MGMT: variants seen among roughly 807,000 people sequenced by gnomAD.
The protein encoded by MGMT is methylated-DNA--protein-cysteine methyltransferase.
Under a neutral mutation model 15.9 loss-of-function variants are expected in MGMT, and 14 were observed. The observed-to-expected ratio is 0.88, with a 90% CI of 0.58 to 1.37. The LOEUF is 1.37. MGMT is among the 40% of genes most tolerant of loss of function. The pLI is 0.00. For synonymous variants in MGMT, 130 were observed against 118.2 expected (o/e 1.10, Z -0.65); for missense variants, 282 against 268.1 (o/e 1.05, Z -0.36).
At chr10:129,531,789 G>C (rs1266092258) in intron 1 of MGMT, among the ~76,000 whole-genome samples, 22 of 147,868 alleles carry the variant, frequency 1.5e-4, no homozygotes, top group Non-Finnish European at 2.3e-4. Context: ...TGGGGGTGGG[G>C]GGGGGTGGGG....
At chr10:129,575,782 T>C (rs1184375614) in intron 2 of MGMT, among the ~76,000 whole-genome samples, 2 of 151,396 alleles carry the variant, frequency 1.3e-5, no homozygotes, top group Non-Finnish European at 3.0e-5. Flanking sequence ...ATTGATAGAC[T>C]GCTAGCAAGA....
intron 2 of MGMT, among the ~76,000 whole-genome samples, chr10:129,595,465 A>G (rs1359324106): frequency 1.3e-5 from 2 of 152,162 alleles, no homozygotes; most frequent in Non-Finnish European, 2.9e-5. Context: ...CACCCATGAA[A>G]ACAAAGGTGT....
At chr10:129,728,615 C>A (rs544356437) in intron 3 of MGMT, among the ~76,000 whole-genome samples, 2 of 152,220 alleles carry the variant, frequency 1.3e-5, no homozygotes, top group East Asian at 3.9e-4. Context: ...GCCCCTCCTC[C>A]TGGCCAAGCC....
At chr10:129,502,673 C>T (rs969730879) in intron 1 of MGMT, among the ~76,000 whole-genome samples, 7 of 152,056 alleles carry the variant, frequency 4.6e-5, no homozygotes, top group East Asian at 1.9e-4. Context: ...GGGATGGGGC[C>T]GCCTCCCTTC....
chr10:129,769,665 C>T lies in MGMT; in HGVS notation c.*2668C>T, dbSNP rs77298937. ...TGGCAAAATAAGTTGCCTTTGGCCA[C>T]GCAGGAGACTGAGTTTTGTGAGGGG... On this transcript the variant is annotated 3_prime_UTR_variant, in exon 5 of 5. Coordinates refer to ENST00000651593, the MANE Select transcript of MGMT (RefSeq NM_002412.5). 7.5e-3 allele frequency among the ~76,000 whole-genome samples: 1,147 copies of T among 152,266 alleles called. 15 individuals are homozygous for T. Among genetic ancestry groups the T allele is most frequent in the African/African-American group, 0.025 (1,040 of 41,548 alleles).
At chr10:129,474,337 G>A (rs1845265760) in intron 1 of MGMT, among the ~76,000 whole-genome samples, 1 of 152,320 alleles carries the variant, frequency 6.6e-6, no homozygotes, top group South Asian at 2.1e-4. Context: ...TGGCAGGGCG[G>A]GGACAGTTCC....
intron 3 of MGMT, among the ~76,000 whole-genome samples, chr10:129,739,696 G>A (rs116848649): frequency 0.011 from 1,653 of 152,248 alleles, 23 homozygotes; most frequent in South Asian, 0.043. Flanking sequence ...CTCAGCCTGC[G>A]AGCCACCTGC....
intron 2 of MGMT, among the ~76,000 whole-genome samples, chr10:129,558,136 C>T (rs576480146): frequency 4.6e-5 from 7 of 152,080 alleles, no homozygotes; most frequent in Non-Finnish European, 7.4e-5. Context: ...TGGATGGGGT[C>T]GGGGTATTTC....
chr10:129,687,018 G>A (rs1847911809), intron 2 of MGMT, among the ~76,000 whole-genome samples: 1 of 152,164 alleles, frequency 6.6e-6, no homozygotes, highest in Non-Finnish European at 1.5e-5. Context: ...GTTCTGAGCT[G>A]CTTTGGGGTA....
intron 1 of MGMT, among the ~76,000 whole-genome samples, chr10:129,507,406 C>A (rs12249475): frequency 0.069 from 10,425 of 152,160 alleles, 1,188 homozygotes; most frequent in African/African-American, 0.24. Flanking sequence ...TGGTGCGGGC[C>A]GCCCTGTGCA....
chr10:129,492,669 C>T (rs1260171832), intron 1 of MGMT, among the ~76,000 whole-genome samples: 1 of 152,212 alleles, frequency 6.6e-6, no homozygotes, highest in Non-Finnish European at 1.5e-5. Flanking sequence ...TCCCCATCTG[C>T]ACCCAGGATC....
At chr10:129,750,821 A>G (rs146976035) in intron 3 of MGMT, among the ~76,000 whole-genome samples, 38 of 152,148 alleles carry the variant, frequency 2.5e-4, no homozygotes, top group South Asian at 2.3e-3. Context: ...TCTTTTACCA[A>G]TGCCACCCTG....
At chr10:129,738,356 G>T (rs1848590326) in intron 3 of MGMT, among the ~76,000 whole-genome samples, 2 of 152,226 alleles carry the variant, frequency 1.3e-5, no homozygotes, top group Admixed American at 1.3e-4. Context: ...ACTAGGAAAG[G>T]GAACTCCCTG....
intron 2 of MGMT, among the ~76,000 whole-genome samples, chr10:129,665,101 A>G (rs984065296): frequency 3.2e-5 from 4 of 125,718 alleles, no homozygotes; most frequent in Non-Finnish European, 7.2e-5. Flanking sequence ...TCAAGTGAAC[A>G]AAAACAGATA....
intron 2 of MGMT, among the ~76,000 whole-genome samples, chr10:129,683,289 G>A (rs774196282): frequency 3.9e-5 from 6 of 152,198 alleles, no homozygotes; most frequent in East Asian, 1.9e-4. Flanking sequence ...ATGAAAGTGA[G>A]CCCTAAAGCC....
At chr10:129,720,491 A>G (rs1395920578) in intron 3 of MGMT, among the ~76,000 whole-genome samples, 1 of 152,204 alleles carries the variant, frequency 6.6e-6, no homozygotes, top group Non-Finnish European at 1.5e-5. Context: ...ACTCTGCACT[A>G]GCTGGTTCCT....
intron 2 of MGMT, among the ~76,000 whole-genome samples, chr10:129,547,613 G>A (rs1042412643): frequency 1.3e-5 from 2 of 152,174 alleles, no homozygotes; most frequent in African/African-American, 4.8e-5. Flanking sequence ...TGCAGTGATT[G>A]TTCTTGATGG....
chr10:129,542,299 C>T (rs1035136604), intron 2 of MGMT, among the ~76,000 whole-genome samples: 8 of 152,160 alleles, frequency 5.3e-5, no homozygotes, highest in East Asian at 1.9e-4. Context: ...GTTATCCCCA[C>T]GGCCTCTCCG....
At chr10:129,579,813 A>AT (rs2133045671) in intron 2 of MGMT, among the ~76,000 whole-genome samples, 1 of 152,270 alleles carries the variant, frequency 6.6e-6, no homozygotes, top group East Asian at 1.9e-4. Context: ...TAACTCTGTG[A>AT]TTTTGGGAAA....
Sources: gnomAD v4.1 joint callset for allele counts (sites outside exome capture counted in the v4.1 genomes callset) on GRCh38, gnomAD v4.1.1 for gene constraint, MANE v1.5 for transcripts, NCBI Gene and HGNC (gene_info 2026-07-23, HGNC 2026-07-21) for gene names.